Variants in PRKCE observed in about 807,000 individuals in gnomAD.
PRKCE encodes protein kinase C epsilon type.
Under a neutral mutation model 85.4 loss-of-function variants are expected in PRKCE, and 16 were observed. The ratio of observed to expected loss-of-function variants is 0.19; its 90% CI spans 0.13 to 0.28. The LOEUF is 0.28. PRKCE is among the 10% of genes least tolerant of loss of function. The pLI is 1.00. For missense variants in PRKCE, 573 were observed against 975.2 expected (o/e 0.59, Z 5.49); for synonymous variants, 388 against 371.5 (o/e 1.04, Z -0.51).
chr2:45,988,874 T>G (rs1475520480), intron 6 of PRKCE, among the ~76,000 whole-genome samples: 1 of 152,208 alleles, frequency 6.6e-6, no homozygotes, highest in Non-Finnish European at 1.5e-5. Context: ...ACTGGCACCA[T>G]GGGCCTCTCT....
chr2:45,925,804 T>TGCC (rs1361388411), intron 2 of PRKCE, among the ~76,000 whole-genome samples: 1 of 152,212 alleles, frequency 6.6e-6, no homozygotes, highest in Non-Finnish European at 1.5e-5. Flanking sequence ...CTGCTTTCAA[T>TGCC]CATCGTGGGC....
At chr2:45,701,833 G>A (rs749657329) in intron 1 of PRKCE, among the ~76,000 whole-genome samples, 7 of 152,118 alleles carry the variant, frequency 4.6e-5, no homozygotes, top group Non-Finnish European at 8.8e-5. Context: ...AGACACCGAC[G>A]AGTCTAGATT....
intron 1 of PRKCE, among the ~76,000 whole-genome samples, chr2:45,762,960 T>C (rs1262286434): frequency 4.6e-5 from 7 of 151,294 alleles, no homozygotes; most frequent in East Asian, 1.9e-4. Flanking sequence ...TTTCTTCTTT[T>C]TTTTTTTTTG....
intron 1 of PRKCE, among the ~76,000 whole-genome samples, chr2:45,801,657 C>T (rs1687878569): frequency 6.6e-6 from 1 of 152,094 alleles, no homozygotes; most frequent in Non-Finnish European, 1.5e-5. Context: ...AGTTTGAGAG[C>T]CAGCTAGAGA....
intron 11 of PRKCE, among the ~76,000 whole-genome samples, chr2:46,132,756 A>C (rs1674590100): frequency 6.6e-6 from 1 of 152,250 alleles, no homozygotes; most frequent in South Asian, 2.1e-4. Flanking sequence ...GCATGGTCTT[A>C]AAGCAAATAC....
chr2:45,791,637 T>C (rs1377197705), intron 1 of PRKCE, among the ~76,000 whole-genome samples: 3 of 152,266 alleles, frequency 2.0e-5, no homozygotes, highest in Non-Finnish European at 4.4e-5. Context: ...AATTAAATTC[T>C]GATAGCTTAT....
intron 1 of PRKCE, among the ~76,000 whole-genome samples, chr2:45,824,012 G>C (rs1354526013): frequency 1.3e-5 from 2 of 152,238 alleles, no homozygotes; most frequent in African/African-American, 4.8e-5. Context: ...CAGGGAGGTT[G>C]GCAGGCTTAT....
chr2:46,086,186 G>T (rs535090133), intron 10 of PRKCE, 22 bp from the exon 11 acceptor site: 1 of 1,598,120 alleles, frequency 6.3e-7, no homozygotes, highest in African/African-American at 1.3e-5. Flanking sequence ...GACCCAAATG[G>T]CATTTTCTTC....
chr2:45,865,863 G>T (rs1693561485), intron 2 of PRKCE, among the ~76,000 whole-genome samples: 1 of 146,474 alleles, frequency 6.8e-6, no homozygotes, highest in Admixed American at 7.0e-5. Flanking sequence ...TGTCATCCAG[G>T]CAGGAGTGCA....
chr2:45,653,997 G>A (rs1409762442), intron 1 of PRKCE, among the ~76,000 whole-genome samples: 1 of 152,232 alleles, frequency 6.6e-6, no homozygotes, highest in Non-Finnish European at 1.5e-5. Flanking sequence ...ATGAGAGGGG[G>A]AGTGGAAGGG....
chr2:45,761,519 A>G (rs1684499626), intron 1 of PRKCE, among the ~76,000 whole-genome samples: 1 of 152,102 alleles, frequency 6.6e-6, no homozygotes, highest in Non-Finnish European at 1.5e-5. Flanking sequence ...TCTCCATTTT[A>G]TCAGAAAGAA....
intron 1 of PRKCE, among the ~76,000 whole-genome samples, chr2:45,753,990 G>T (rs1020913944): frequency 6.6e-6 from 1 of 152,182 alleles, no homozygotes; most frequent in East Asian, 1.9e-4. Context: ...GCTCAAAAAG[G>T]TCTTTGCAGT....
At chr2:45,936,855 T>C (rs919447824) in intron 2 of PRKCE, among the ~76,000 whole-genome samples, 1 of 152,110 alleles carries the variant, frequency 6.6e-6, no homozygotes, top group Non-Finnish European at 1.5e-5. Flanking sequence ...ACCGCAGGTA[T>C]GTGTTCTTAT....
chr2:45,747,609 T>G (rs1009303235), intron 1 of PRKCE, among the ~76,000 whole-genome samples: 6 of 152,204 alleles, frequency 3.9e-5, no homozygotes, highest in Non-Finnish European at 7.3e-5. Context: ...TCTAATCCAT[T>G]GATGGATGCT....
At chr2:46,172,426 T>G (rs143621871) in intron 14 of PRKCE, among the ~76,000 whole-genome samples, 2,005 of 152,308 alleles carry the variant, frequency 0.013, 22 homozygotes, top group Middle Eastern at 0.044. Context: ...GTTACCAAAT[T>G]TCAGAATCAA....
At position 46,010,654 on chromosome 2, in the gene PRKCE, G is replaced by A. The variant is rs139176418; in HGVS notation, c.1437+137G>A. ...TGGGTTTTACCCTTGAAAAGATCAG[G>A]ATGTATTTGAACAGCATCTTCTTTT... On this transcript the variant is annotated intron_variant, in intron 10 of 14. Transcript: ENST00000306156. The A allele has an allele frequency of 4.3e-3, 6,827 of 1,599,072 alleles. 14 individuals are homozygous for A. The highest frequency in any genetic ancestry group is 5.3e-3 in the Non-Finnish European group (6,246 of 1,179,804).
intron 1 of PRKCE, among the ~76,000 whole-genome samples, chr2:45,832,960 C>G (rs1181224849): frequency 2.6e-5 from 4 of 152,108 alleles, no homozygotes; most frequent in East Asian, 3.9e-4. Flanking sequence ...AACATAGTCT[C>G]TCTTTTGAAG....
At chr2:45,908,681 G>A (rs1385052427) in intron 2 of PRKCE, among the ~76,000 whole-genome samples, 1 of 152,152 alleles carries the variant, frequency 6.6e-6, no homozygotes, top group Non-Finnish European at 1.5e-5. Flanking sequence ...TGAGTCCTGT[G>A]TTCTTCTCAC....
intron 1 of PRKCE, among the ~76,000 whole-genome samples, chr2:45,656,267 G>T (rs1180760904): frequency 2.6e-4 from 40 of 152,194 alleles, no homozygotes; most frequent in East Asian, 1.9e-4. Flanking sequence ...AAATAAACAG[G>T]GCTCTACAAT....
Sources: gnomAD v4.1 joint callset for allele counts (sites outside exome capture counted in the v4.1 genomes callset) on GRCh38, gnomAD v4.1.1 for gene constraint, MANE v1.5 for transcripts, NCBI Gene and HGNC (gene_info 2026-07-23, HGNC 2026-07-21) for gene names.